The following KCNN2 variants were observed in gnomAD, a reference collection of about 807,000 sequenced individuals.
KCNN2 encodes potassium calcium-activated channel subfamily N member 2, also known as small conductance calcium-activated potassium channel protein 2.
KCNN2 carries 24 observed loss-of-function variants against 55.5 expected under a neutral mutation model. The ratio of observed to expected loss-of-function variants is 0.43; its 90% confidence interval spans 0.31 to 0.61. The LOEUF (loss-of-function observed/expected upper bound fraction) is 0.61, where lower values mean the gene tolerates loss of function less well. Among genes scored for constraint, KCNN2 ranks in the 20% least tolerant of loss-of-function variants. KCNN2 has a pLI of 0.08. For missense variants in KCNN2, 754 were observed against 853.6 expected (o/e 0.88, Z 1.45); for synonymous variants, 431 against 336.1 (o/e 1.28, Z -3.09).
rs1049521548 is a variant in KCNN2, at chr5:114,226,678, G to A, written c.-185+5113G>A. On this transcript the variant is annotated intron_variant, in intron 2 of 10. Transcript: ENST00000512097. ...AGCAATTTGGGAGGATGAGGCAGGC[G>A]GATCACAAGGTCAGGAGATCGAGAC... 5.9e-5 allele frequency among the ~76,000 whole-genome samples: 9 copies of A among 152,090 alleles called. No individual in the cohort carries two copies. In the South Asian group the frequency reaches 6.2e-4, roughly 11 times the overall value.
At chr5:114,409,577 A>T (rs903223478) in intron 3 of KCNN2, among the ~76,000 whole-genome samples, 1 of 152,202 alleles carries the variant, frequency 6.6e-6, no homozygotes, top group African/African-American at 2.4e-5. Context: ...TTCACATCTG[A>T]TAGAAATTTT....
chr5:114,188,298 G>T (rs908412797), intron 1 of KCNN2, among the ~76,000 whole-genome samples: 7 of 152,122 alleles, frequency 4.6e-5, no homozygotes, highest in African/African-American at 1.7e-4. Context: ...TACTCTTTCA[G>T]ATCAAAACAA....
chr5:114,217,779 G>T (rs889831564), intron 1 of KCNN2, among the ~76,000 whole-genome samples: 4 of 152,006 alleles, frequency 2.6e-5, no homozygotes, highest in African/African-American at 9.7e-5. Context: ...AAAAATTTCT[G>T]CTCTGAAAAT....
chr5:114,100,610 A>G (rs540117877), intron 1 of KCNN2, among the ~76,000 whole-genome samples: 1 of 152,114 alleles, frequency 6.6e-6, no homozygotes, highest in East Asian at 1.9e-4. Context: ...GTGTGTATGT[A>G]TGTGCTCTGC....
At chr5:114,325,729 G>C (rs1188545549) in intron 2 of KCNN2, among the ~76,000 whole-genome samples, 2 of 152,210 alleles carry the variant, frequency 1.3e-5, no homozygotes, top group African/African-American at 4.8e-5. Flanking sequence ...CTTCAAAGGA[G>C]AGAAACAGGA....
At chr5:114,471,584 A>C (rs1761749335) in intron 4 of KCNN2, among the ~76,000 whole-genome samples, 1 of 152,202 alleles carries the variant, frequency 6.6e-6, no homozygotes, top group Admixed American at 6.5e-5. Flanking sequence ...ATCAATGCTA[A>C]TCAAAGTTTA....
At chr5:114,345,873 C>G (rs1471883294) in intron 2 of KCNN2, among the ~76,000 whole-genome samples, 3 of 152,110 alleles carry the variant, frequency 2.0e-5, no homozygotes, top group Admixed American at 2.0e-4. Flanking sequence ...CTCCGCCTCC[C>G]AGGTTCAAGT....
chr5:114,163,648 A>G (rs1263474212), intron 1 of KCNN2, among the ~76,000 whole-genome samples: 1 of 152,106 alleles, frequency 6.6e-6, no homozygotes, highest in Non-Finnish European at 1.5e-5. Flanking sequence ...TATGCAGGGC[A>G]TTAGGTAGTC....
At chr5:114,146,778 T>C (rs954305675) in intron 1 of KCNN2, among the ~76,000 whole-genome samples, 2 of 152,202 alleles carry the variant, frequency 1.3e-5, no homozygotes, top group Non-Finnish European at 2.9e-5. Flanking sequence ...AATGAGTTGA[T>C]GAAATTGTTC....
intron 2 of KCNN2, among the ~76,000 whole-genome samples, chr5:114,252,651 G>A (rs1475375862): frequency 1.3e-5 from 2 of 152,080 alleles, no homozygotes; most frequent in East Asian, 3.9e-4. Context: ...ATGGAAGTAA[G>A]AATCCTTCCC....
At chr5:114,202,735 T>C (rs1385909684) in intron 1 of KCNN2, among the ~76,000 whole-genome samples, 2 of 151,382 alleles carry the variant, frequency 1.3e-5, no homozygotes, top group African/African-American at 2.4e-5. Context: ...TACAGGCGCC[T>C]GCCACCACGC....
intron 4 of KCNN2, among the ~76,000 whole-genome samples, chr5:114,464,727 T>C (rs1761360282): frequency 6.6e-6 from 1 of 152,138 alleles, no homozygotes; most frequent in Non-Finnish European, 1.5e-5. Context: ...CAAGTCCCAA[T>C]TGTAGAAAAT....
intron 3 of KCNN2, among the ~76,000 whole-genome samples, chr5:114,450,857 T>G (rs1446340425): frequency 1.3e-5 from 2 of 152,244 alleles, no homozygotes; most frequent in Non-Finnish European, 2.9e-5. Flanking sequence ...ATTGACCTAC[T>G]GGATATTACA....
chr5:114,415,703 C>T (rs1158925169), intron 3 of KCNN2, among the ~76,000 whole-genome samples: 2 of 152,078 alleles, frequency 1.3e-5, no homozygotes, highest in Non-Finnish European at 2.9e-5. Context: ...GGCAAAATGG[C>T]AATTCAAATT....
At chr5:114,241,266 A>G (rs190987329) in intron 2 of KCNN2, among the ~76,000 whole-genome samples, 1 of 152,094 alleles carries the variant, frequency 6.6e-6, no homozygotes, top group Admixed American at 6.5e-5. Context: ...TCAGCATTTC[A>G]ATAGATTTCA....
At chr5:114,225,842 A>T (rs1469565297) in intron 2 of KCNN2, among the ~76,000 whole-genome samples, 1 of 152,240 alleles carries the variant, frequency 6.6e-6, no homozygotes, top group Non-Finnish European at 1.5e-5. Flanking sequence ...CTTAACAAAC[A>T]TGCCAAAATT....
intron 1 of KCNN2, among the ~76,000 whole-genome samples, chr5:114,175,870 G>A (rs962527869): frequency 2.0e-5 from 3 of 152,162 alleles, no homozygotes; most frequent in Non-Finnish European, 1.5e-5. Flanking sequence ...TATTCATAAT[G>A]TTCTACATCA....
Position 114,493,239 on chromosome 5 carries a change from C to A in KCNN2, c.2019-164C>A. Reference sequence around the variant, plus strand: ...TTTTTTGCGGTGTTGGGGAAGCATGCTTCTCATTGTACCAGACACATAACC... The same window carrying A: ...TTTTTTGCGGTGTTGGGGAAGCATGATTCTCATTGTACCAGACACATAACC... On this transcript the variant is annotated intron_variant, in intron 6 of 7. Transcript: ENST00000673685. The A allele has an allele frequency of 4.3e-6, 3 of 692,802 alleles. No individual in the cohort carries two copies. In the South Asian group the frequency reaches 4.5e-5, roughly 10 times the overall value. The allele number at this position is 692,802 out of a possible 1,614,324, so 42.9% of individuals were successfully genotyped here. A position where few individuals can be genotyped will look rare whatever the true frequency, so the allele number is the denominator to read the frequency against.
intron 1 of KCNN2, among the ~76,000 whole-genome samples, chr5:114,183,408 A>C (rs1201805853): frequency 6.6e-6 from 1 of 152,062 alleles, no homozygotes; most frequent in Admixed American, 6.6e-5. Context: ...GTTTTATGAG[A>C]ATATGTGTAA....
Sources: gnomAD v4.1 joint callset for allele counts (sites outside exome capture counted in the v4.1 genomes callset) on GRCh38, gnomAD v4.1.1 for gene constraint, MANE v1.5 for transcripts, NCBI Gene and HGNC (gene_info 2026-07-23, HGNC 2026-07-21) for gene names.